The following PDLIM5 variants were observed in gnomAD, a reference collection of about 807,000 sequenced individuals.
PDLIM5 encodes the protein PDZ and LIM domain protein 5.
PDLIM5 carries 34 observed loss-of-function variants against 64.2 expected under a neutral mutation model. That is an observed-to-expected ratio of 0.53 (90% CI 0.40 to 0.71). The LOEUF is 0.71. Ranked by LOEUF, PDLIM5 falls within the 30% of genes least tolerant of loss-of-function variation. The pLI, the probability that PDLIM5 is intolerant of heterozygous loss-of-function variation, is 0.00. For missense variants in PDLIM5, 683 were observed against 733.6 expected (o/e 0.93, Z 0.80); for synonymous variants, 253 against 269.1 (o/e 0.94, Z 0.59).
At chr4:94,492,290 C>CT (rs1329709302) in intron 2 of PDLIM5, among the ~76,000 whole-genome samples, 27 of 148,254 alleles carry the variant, frequency 1.8e-4, no homozygotes, top group African/African-American at 2.0e-4. Context: ...TACTTCCTCT[C>CT]TTTTTTTTTT....
rs1235392264 is a variant in PDLIM5, at chr4:94,659,484, ATATGTGTGTATGTGTGTGTG to A, written c.1585+1939_1585+1958del. ...AGCAGGCATAGAGCAGCTGTAGTAT[ATATGTGTGTATGTGTGTGTG>A]TGTGTGTGTGTGTGTGTGTGTGTGT... On this transcript the variant is annotated intron_variant, in intron 11 of 12. Coordinates refer to ENST00000317968, the MANE Select transcript of PDLIM5 (RefSeq NM_006457.5). 6.6e-3 allele frequency among the ~76,000 whole-genome samples: 884 copies of A among 133,796 alleles called. 13 individuals are homozygous for A. Among genetic ancestry groups the A allele is most frequent in the African/African-American group, 0.022 (772 of 34,502 alleles). The allele number at this position is 133,796 out of a possible 152,430, so 87.8% of individuals were successfully genotyped here.
Position 94,575,967 on chromosome 4 carries a change from G to A in PDLIM5, c.643G>A (p.Glu215Lys), listed in dbSNP as rs1026261662. Reference sequence around the variant, plus strand: ...GCCCACAGTCACCAGCGTGTGTTCCGAGACTTCTCAGGAGCTAGCAGAGGG... The same window carrying A: ...GCCCACAGTCACCAGCGTGTGTTCCAAGACTTCTCAGGAGCTAGCAGAGGG... ...RQPTVTSVCS[E>K]TSQELAEGQR... Residue 215 changes from glutamate to lysine, a missense_variant, in exon 5 of 13, where the codon GAG becomes AAG. Transcript: ENST00000317968. 5.0e-6 allele frequency: 8 copies of A among 1,614,006 alleles called. No homozygotes were observed. Among genetic ancestry groups the A allele is most frequent in the African/African-American group, 2.7e-5 (2 of 74,890 alleles).
At chr4:94,653,534 G>T (rs1277587784) in intron 9 of PDLIM5, among the ~76,000 whole-genome samples, 1 of 145,718 alleles carries the variant, frequency 6.9e-6, no homozygotes, top group South Asian at 2.2e-4. Context: ...TGACCATAAA[G>T]TATTTAATGG....
chr4:94,468,634 G>C (rs1446710372), intron 2 of PDLIM5, among the ~76,000 whole-genome samples: 2 of 152,192 alleles, frequency 1.3e-5, no homozygotes, highest in African/African-American at 4.8e-5. Context: ...GCATATGTCT[G>C]TGGTGTGTGT....
rs1733574890 is a variant in PDLIM5 at position 94,558,658 on chromosome 4, C to A, written c.249-14693C>A. ...TATATACTGAACCTTGAATTATATT[C>A]AAGTATGACTAAGGATTATAATACT... On this transcript the variant is annotated intron_variant, in intron 3 of 12. Transcript: ENST00000317968. Among the ~76,000 whole-genome samples the A allele has an allele frequency of 2.0e-5, 3 of 151,810 alleles. No homozygotes were observed. In the South Asian group the frequency reaches 6.2e-4, roughly 32 times the overall value.
In PDLIM5 at chr4:94,567,671, T is replaced by A. The variant is rs936867941; in HGVS notation, c.249-5680T>A. Among the ~76,000 whole-genome samples the A allele has an allele frequency of 3.3e-5, 5 of 152,140 alleles. No individual in the cohort carries two copies. In the East Asian group the frequency reaches 5.8e-4, roughly 18 times the overall value. On this transcript the variant is annotated intron_variant, in intron 3 of 12. Coordinates refer to ENST00000317968, the MANE Select transcript of PDLIM5 (RefSeq NM_006457.5). ...TTTCACTTGTTCTTTTAGGATTTTT[T>A]AAAAAAATAATTACTAGTAGCTCCA...
chr4:94,473,464 G>A (rs931958178), intron 2 of PDLIM5, among the ~76,000 whole-genome samples: 18 of 152,090 alleles, frequency 1.2e-4, no homozygotes, highest in African/African-American at 3.9e-4. Flanking sequence ...GTTTCACCAT[G>A]TTGGTCAGGC....
At chr4:94,548,311 C>T (rs1337977430) in intron 3 of PDLIM5, among the ~76,000 whole-genome samples, 1 of 152,202 alleles carries the variant, frequency 6.6e-6, no homozygotes, top group African/African-American at 2.4e-5. Flanking sequence ...TCATTCCAAA[C>T]TCTAAGCCTT....
intron 3 of PDLIM5, among the ~76,000 whole-genome samples, chr4:94,537,952 G>A (rs574927970): frequency 6.6e-6 from 1 of 152,220 alleles, no homozygotes; most frequent in African/African-American, 2.4e-5. Flanking sequence ...ATACAACACA[G>A]TAAGAATTTT....
intron 7 of PDLIM5, chr4:94,587,912 TGAGACATCA>T: frequency 1.4e-5 from 13 of 939,654 alleles, no homozygotes; most frequent in Non-Finnish European, 1.6e-5. Flanking sequence ...TGAATGATTG[TGAGACATCA>T]GAGAAATATT....
intron 3 of PDLIM5, among the ~76,000 whole-genome samples, chr4:94,540,233 C>T (rs906150704): frequency 4.0e-5 from 6 of 151,646 alleles, no homozygotes; most frequent in African/African-American, 1.2e-4. Context: ...CGGGTTCACA[C>T]GCCATTCTCC....
chr4:94,514,271 A>C (rs1242649187), intron 2 of PDLIM5, among the ~76,000 whole-genome samples: 2 of 151,202 alleles, frequency 1.3e-5, no homozygotes, highest in African/African-American at 4.9e-5. Context: ...AGTAGCTGGG[A>C]CTACAGGTGC....
chr4:94,535,133 C>T (rs536409762), intron 3 of PDLIM5, among the ~76,000 whole-genome samples: 5 of 151,994 alleles, frequency 3.3e-5, no homozygotes, highest in Admixed American at 3.3e-4. Flanking sequence ...ACTAGTCAGG[C>T]AAGTATTGCA....
chr4:94,643,641 TTTCTTCTTAAA>T (rs1185080129), intron 9 of PDLIM5, among the ~76,000 whole-genome samples: 1 of 152,206 alleles, frequency 6.6e-6, no homozygotes, highest in Admixed American at 6.5e-5. Context: ...AGTGCTTGAA[TTTCTTCTTAAA>T]TATGGAATGC....
chr4:94,568,663 A>G lies in PDLIM5; in HGVS notation c.249-4688A>G, dbSNP rs369640557. Among the ~76,000 whole-genome samples the G allele has an allele frequency of 1.2e-4, 18 of 152,274 alleles. No homozygotes were observed. The East Asian group carries it at 1.7e-3, about 15-fold the overall frequency. ...TTTTTTCCCTCATAAAACTGTTACT[A>G]TGGAAATAAATGTAGAATTACAGCA... is the stretch of plus-strand genomic sequence containing the variant. On this transcript the variant is annotated intron_variant, in intron 3 of 12. Transcript: ENST00000317968.
At chr4:94,476,605 A>G (rs183922206) in intron 2 of PDLIM5, among the ~76,000 whole-genome samples, 1 of 152,152 alleles carries the variant, frequency 6.6e-6, no homozygotes, top group African/African-American at 2.4e-5. Flanking sequence ...TTCCTCCATC[A>G]TGAGTATAGA....
At chr4:94,559,710 G>A (rs1016043789) in intron 3 of PDLIM5, among the ~76,000 whole-genome samples, 6 of 152,180 alleles carry the variant, frequency 3.9e-5, no homozygotes, top group Admixed American at 2.0e-4. Context: ...ATTGTGGTAT[G>A]CAGCTCACCC....
At chr4:94,637,404 C>A (rs994319908) in intron 8 of PDLIM5, among the ~76,000 whole-genome samples, 3 of 151,976 alleles carry the variant, frequency 2.0e-5, no homozygotes, top group African/African-American at 4.8e-5. Flanking sequence ...ACTAAAAATA[C>A]AAAAATTAGC....
rs1735220574 is a variant in PDLIM5 at position 94,576,037 on chromosome 4, A to C, written c.710+3A>C. The C allele has an allele frequency of 6.2e-7, 1 of 1,607,000 alleles. No homozygotes were observed. The highest frequency in any genetic ancestry group is 1.7e-5 in the Admixed American group (1 of 59,880). ...GGTGACAGTAAACAGCAAAATGGGT[A>C]GGTGGCTAAGGTGCTTTCTGCTCTT... is the stretch of plus-strand genomic sequence containing the variant. On this transcript the variant is annotated splice_donor_region_variant and intron_variant, in intron 5 of 12. Coordinates refer to ENST00000317968, the MANE Select transcript of PDLIM5 (RefSeq NM_006457.5).
Sources: allele counts gnomAD v4.1 joint callset (sites outside exome capture counted in the v4.1 genomes callset), GRCh38; gene constraint gnomAD v4.1.1; transcripts MANE v1.5; gene names NCBI Gene and HGNC (gene_info 2026-07-23, HGNC 2026-07-21).